The following PRLR variants were observed in gnomAD, a reference collection of about 807,000 sequenced individuals.
The protein encoded by PRLR is prolactin receptor, also known as hPRL receptor.
PRLR carries 13 observed loss-of-function variants against 40.2 expected under a neutral mutation model. The ratio of observed to expected loss-of-function variants is 0.32; its 90% CI spans 0.21 to 0.51. The LOEUF (loss-of-function observed/expected upper bound fraction) is 0.51. Among genes scored for constraint, PRLR ranks in the 20% least tolerant of loss-of-function variants. The probability of loss-of-function intolerance (pLI) is 0.97; values close to 1 mark genes in which losing one functional copy is unlikely to be tolerated. For missense variants in PRLR, 656 were observed against 747.3 expected (o/e 0.88, Z 1.42); for synonymous variants, 269 against 278.7 (o/e 0.97, Z 0.35).
intron 1 of PRLR, among the ~76,000 whole-genome samples, chr5:35,214,031 C>A (rs984961616): frequency 6.6e-6 from 1 of 152,198 alleles, no homozygotes; most frequent in Non-Finnish European, 1.5e-5. Flanking sequence ...CCCCGTTGTG[C>A]CTCTTGCTAA....
At chr5:35,101,837 T>C (rs1014984365) in intron 2 of PRLR, among the ~76,000 whole-genome samples, 7 of 148,742 alleles carry the variant, frequency 4.7e-5, no homozygotes, top group Admixed American at 4.0e-4. Flanking sequence ...TATATATATA[T>C]ATATTTTTGA....
At chr5:35,090,051 C>T (rs111649749) in intron 2 of PRLR, among the ~76,000 whole-genome samples, 23 of 152,288 alleles carry the variant, frequency 1.5e-4, no homozygotes, top group Admixed American at 5.9e-4. Flanking sequence ...GGCTCTTGCT[C>T]TGGTCCATCA....
intron 1 of PRLR, among the ~76,000 whole-genome samples, chr5:35,181,054 T>C (rs1202970880): frequency 1.3e-5 from 2 of 152,208 alleles, no homozygotes; most frequent in Non-Finnish European, 2.9e-5. Flanking sequence ...AGTATGTCCT[T>C]GAGTAAAAGT....
chr5:35,218,414 T>C (rs1476176673), intron 1 of PRLR, among the ~76,000 whole-genome samples: 1 of 152,210 alleles, frequency 6.6e-6, no homozygotes, highest in Non-Finnish European at 1.5e-5. Context: ...ATATAACTAG[T>C]TTAAACATAT....
chr5:35,084,450 C>T lies in PRLR; in HGVS notation c.373+20G>A, dbSNP rs1770715653. The stretch of plus-strand genomic sequence containing the variant: ...ACATAGTGGAGTAAGAAATTCCTCA[C>T]CCACTTTCCTTCCCCTTACCTATGT... On this transcript the variant is annotated intron_variant, in intron 5 of 9. Transcript: ENST00000618457. 3 of 1,536,564 alleles carry T rather than the reference C, an allele frequency of 2.0e-6. No individual in the cohort carries two copies. Among genetic ancestry groups the T allele is most frequent in the Non-Finnish European group, 2.6e-6 (3 of 1,149,834 alleles).
intron 5 of PRLR, among the ~76,000 whole-genome samples, chr5:35,075,682 G>A (rs1770040713): frequency 6.6e-6 from 1 of 152,238 alleles, no homozygotes; most frequent in South Asian, 2.1e-4. Context: ...TAGCTCTGAA[G>A]AGAGTAGTGG....
At chr5:35,210,196 A>G (rs1776133865) in intron 1 of PRLR, among the ~76,000 whole-genome samples, 3 of 152,192 alleles carry the variant, frequency 2.0e-5, no homozygotes, top group Non-Finnish European at 4.4e-5. Context: ...CTCCTACAGA[A>G]TAATGTCTCT....
At chr5:35,161,686 T>C (rs988436325) in intron 1 of PRLR, among the ~76,000 whole-genome samples, 2 of 152,238 alleles carry the variant, frequency 1.3e-5, no homozygotes, top group African/African-American at 4.8e-5. Context: ...GTTCCTTGCT[T>C]CATCAGGCAA....
At chr5:35,066,384 C>T (rs1229278362) in intron 9 of PRLR, among the ~76,000 whole-genome samples, 3 of 152,018 alleles carry the variant, frequency 2.0e-5, no homozygotes, top group African/African-American at 7.2e-5. Context: ...AAACAGATAA[C>T]TATAAAATGA....
chr5:35,110,531 C>A (rs190592857), intron 2 of PRLR, among the ~76,000 whole-genome samples: 1 of 152,044 alleles, frequency 6.6e-6, no homozygotes, highest in Non-Finnish European at 1.5e-5. Flanking sequence ...TTCCTCACAC[C>A]GCTCTAAAAT....
At chr5:35,112,426 G>A (rs147303598) in intron 2 of PRLR, among the ~76,000 whole-genome samples, 8 of 152,202 alleles carry the variant, frequency 5.3e-5, no homozygotes, top group South Asian at 2.1e-4. Context: ...CTCTGGCCCC[G>A]GGGCTTCTGC....
Position 35,065,154 on chromosome 5 carries a change from A to G in PRLR, c.1804T>C (p.Cys602Arg), listed in dbSNP as rs1172222470. 1.2e-6 allele frequency: 2 copies of G among 1,614,070 alleles called. No individual in the cohort carries two copies. The highest frequency in any genetic ancestry group is 2.7e-5 in the African/African-American group (2 of 74,922). ...LANFTATSSK[C>R]RLQLGGLDYL... is the part of the protein sequence containing the mutation. ...TCCAAACCACCCAGCTGGAGCCTGC[A>G]CTTGCTTGATGTTGCAGTGAAGTTG... Residue 602 changes from cysteine to arginine, a missense_variant, in exon 10 of 10, where the codon TGC becomes CGC. Physicochemically the swap from Cys to Arg is radical, Grantham distance 180. This residue lies in a region of PRLR where 469 missense variants were observed against 491.5 expected (regional missense o/e 0.95). Transcript: ENST00000618457.
intron 2 of PRLR, among the ~76,000 whole-genome samples, chr5:35,090,928 G>A (rs1282169774): frequency 4.0e-5 from 6 of 148,498 alleles, no homozygotes; most frequent in South Asian, 4.4e-4. Context: ...CTCCTGCCTC[G>A]GCCTCCCGAG....
At chr5:35,226,731 C>A (rs910212935) in intron 1 of PRLR, among the ~76,000 whole-genome samples, 1 of 152,186 alleles carries the variant, frequency 6.6e-6, no homozygotes, top group Non-Finnish European at 1.5e-5. Context: ...ACGCCCTGTC[C>A]CTCTGTAGCC....
chr5:35,131,221 AG>A (rs1170059554), intron 1 of PRLR, among the ~76,000 whole-genome samples: 1 of 152,222 alleles, frequency 6.6e-6, no homozygotes, highest in African/African-American at 2.4e-5. Flanking sequence ...CAGTGAAAAA[AG>A]TTGGATGGTA....
At chr5:35,154,811 A>T (rs1176685816) in intron 1 of PRLR, among the ~76,000 whole-genome samples, 1 of 152,200 alleles carries the variant, frequency 6.6e-6, no homozygotes, top group Non-Finnish European at 1.5e-5. Context: ...ATGCAGCCAT[A>T]AAAAAACGAG....
chr5:35,223,476 T>C (rs1196957478), intron 1 of PRLR, among the ~76,000 whole-genome samples: 1 of 152,238 alleles, frequency 6.6e-6, no homozygotes, highest in African/African-American at 2.4e-5. Context: ...CTGGAGCCAC[T>C]GGATTAAGCC....
intron 1 of PRLR, among the ~76,000 whole-genome samples, chr5:35,216,328 A>T (rs1360364256): frequency 6.6e-6 from 1 of 151,936 alleles, no homozygotes; most frequent in African/African-American, 2.4e-5. Flanking sequence ...TCTTTGGTAT[A>T]TTCTCAGGAA....
rs1769516186 is a variant in PRLR, at chr5:35,068,416, C to T, written c.786-131G>A. The T allele has an allele frequency of 4.0e-6, 3 of 745,466 alleles. No homozygotes were observed. The South Asian group carries it at 5.0e-5, about 12-fold the overall frequency. The allele number at this position is 745,466 out of a possible 1,614,324, so 46.2% of individuals were successfully genotyped here. A position where few individuals can be genotyped will look rare whatever the true frequency, so the allele number is the denominator to read the frequency against. Reference sequence around the variant, plus strand: ...TGGTTTGGCAGCTCCATGAAACAATCAATGATGAAAATAAAATTACAGAGG... The same window carrying T: ...TGGTTTGGCAGCTCCATGAAACAATTAATGATGAAAATAAAATTACAGAGG... On this transcript the variant is annotated intron_variant, in intron 8 of 9. Transcript: ENST00000618457.
Sources: gnomAD v4.1 joint callset for allele counts (sites outside exome capture counted in the v4.1 genomes callset) on GRCh38, gnomAD v4.1.1 for gene constraint, gnomAD v4.1.1 regional missense constraint, MANE v1.5 for transcripts, NCBI Gene and HGNC (gene_info 2026-07-23, HGNC 2026-07-21) for gene names.